The following ANKRD26 variants were observed in gnomAD, a reference collection of about 807,000 sequenced individuals.
ANKRD26 encodes the protein ankyrin repeat domain-containing protein 26.
In ANKRD26, 141 loss-of-function variants were observed where a neutral mutation model predicts 208.7. The observed-to-expected ratio is 0.68, with a 90% CI of 0.59 to 0.78. ANKRD26 has a LOEUF of 0.78. ANKRD26 is among the 30% of genes least tolerant of loss of function. ANKRD26 has a pLI of 0.00. For missense variants in ANKRD26, 1,889 were observed against 1,938.7 expected, an observed-to-expected ratio of 0.97 and a Z score of 0.48; for synonymous variants, 636 against 660.4, an observed-to-expected ratio of 0.96 and a Z score of 0.57.
intron 1 of ANKRD26, among the ~76,000 whole-genome samples, chr10:27,097,082 T>TCA (rs1277918495): frequency 4.6e-5 from 7 of 152,026 alleles, no homozygotes; most frequent in African/African-American, 1.7e-4. Context: ...CTAGGGAGGC[T>TCA]GAGGCAGGAG....
the ANKRD26 span, among the ~76,000 whole-genome samples, chr10:26,948,419 A>T: frequency 6.6e-6 from 1 of 152,212 alleles, no homozygotes; most frequent in Non-Finnish European, 1.5e-5. Context: ...AAGATCTCAG[A>T]CTTCATTCGG....
rs2056023399 is a variant in ANKRD26 at position 27,084,043 on chromosome 10, T to C, written c.710-1210A>G. ...GCCTGAGCAACATGGAGAAACCCCG[T>C]CTCTACTAAAAGTACAAAAAGTAGC... On this transcript the variant is annotated intron_variant, in intron 5 of 33. Coordinates refer to ENST00000376087, the MANE Select transcript of ANKRD26 (RefSeq NM_014915.3). Among the ~76,000 whole-genome samples, 3 of 151,778 alleles carry C rather than the reference T, an allele frequency of 2.0e-5. No homozygotes were observed. In the South Asian group the frequency reaches 6.2e-4, roughly 32 times the overall value.
chr10:27,078,910 TAAAA>T (rs71281564), intron 7 of ANKRD26, among the ~76,000 whole-genome samples, 175 bp downstream of exon 7: 1 of 74,588 alleles, frequency 1.3e-5, no homozygotes, highest in Non-Finnish European at 2.9e-5. Context: ...TTTACCAAAG[TAAAA>T]AAAAAAAAAA....
In ANKRD26 at chr10:27,061,215, C is replaced by G. The variant is rs2055043133; in HGVS notation, c.1391G>C (p.Ser464Thr). 1 of 1,608,944 alleles carries G rather than the reference C, an allele frequency of 6.2e-7. No homozygotes were observed. Residue 464 changes from serine (S) to threonine (T), a missense_variant, in exon 13 of 34, where the codon AGT (serine) becomes ACT (threonine). Physicochemically the swap from Ser to Thr is moderately conservative, Grantham distance 58. Transcript: ENST00000376087. The stretch of plus-strand genomic sequence containing the variant: ...AGCCATCTTAAAGTTTCTTGATCCA[C>G]TCATGCAAGAAGGTATATAAAACAC... ...EDVFYIPSCM[S>T]GSRNFKMAKL...
chr10:26,969,969 G>A (rs2052120346), downstream of ANKRD26, among the ~76,000 whole-genome samples: 1 of 151,658 alleles, frequency 6.6e-6, no homozygotes, highest in Non-Finnish European at 1.5e-5. Flanking sequence ...TGAGTAGCTG[G>A]GATTACAGGT....
chr10:27,061,128 C>T lies in ANKRD26; in HGVS notation c.1462+16G>A. On this transcript the variant is annotated intron_variant, in intron 13 of 33. Coordinates refer to ENST00000376087, the MANE Select transcript of ANKRD26 (RefSeq NM_014915.3). ...TAGAATAACAGTTAACAAAAATACG[C>T]ATTTTTTTTCCATACCCATGTGGGC... 2 of 1,542,810 alleles carry T rather than the reference C, an allele frequency of 1.3e-6. No individual in the cohort carries two copies.
At chr10:26,948,129 C>T in the ANKRD26 span, among the ~76,000 whole-genome samples, 6 of 152,196 alleles carry the variant, frequency 3.9e-5, no homozygotes, top group African/African-American at 1.4e-4. Context: ...TTAATACAGA[C>T]AAGGTTTCAC....
chr10:27,078,968 T>TG, intron 7 of ANKRD26, 121 bp downstream of exon 7: 3 of 730,832 alleles, frequency 4.1e-6, no homozygotes. Context: ...TGGCTTCCCC[T>TG]GACCACCTTT....
chr10:26,951,531 T>C, the ANKRD26 span, among the ~76,000 whole-genome samples: 2 of 152,374 alleles, frequency 1.3e-5, no homozygotes, highest in South Asian at 4.1e-4. Flanking sequence ...TACTACATTT[T>C]ATAAATGAGC....
chr10:27,001,219 A>G (rs2052717370), downstream of ANKRD26, among the ~76,000 whole-genome samples: 1 of 152,160 alleles, frequency 6.6e-6, no homozygotes, highest in Non-Finnish European at 1.5e-5. Context: ...TGGAAACAAA[A>G]TTAGAGTTGT....
chr10:27,091,914 G>A (rs977860848), intron 4 of ANKRD26, among the ~76,000 whole-genome samples: 1 of 152,024 alleles, frequency 6.6e-6, no homozygotes, highest in Non-Finnish European at 1.5e-5. Context: ...TTGAACCCAG[G>A]AGGTGGAGGT....
At chr10:27,065,739 A>C (rs1002993391) in intron 11 of ANKRD26, among the ~76,000 whole-genome samples, 17 of 150,036 alleles carry the variant, frequency 1.1e-4, no homozygotes, top group African/African-American at 4.1e-4. Flanking sequence ...AAACAAAAAA[A>C]AAAAACAAAA....
Position 27,056,285 on chromosome 10 carries a change from C to T in ANKRD26, c.1565-2895G>A, listed in dbSNP as rs144888617. On this transcript the variant is annotated intron_variant, in intron 15 of 33. Coordinates refer to ENST00000376087, the MANE Select transcript of ANKRD26 (RefSeq NM_014915.3). ...CTTCGCCTCCTAGGTTCAAGTGATT[C>T]TCCTGCCTCAGCCTCCTGAGCAGCT... Among the ~76,000 whole-genome samples, 474 of 152,164 alleles carry T rather than the reference C, an allele frequency of 3.1e-3. 1 individual carries two copies. Among genetic ancestry groups the T allele is most frequent in the African/African-American group, 0.011 (461 of 41,534 alleles).
In ANKRD26 at chr10:27,086,768, G is replaced by GTTTT. The variant is rs36035101; in HGVS notation, c.639-163_639-160dup. On this transcript the variant is annotated intron_variant, in intron 4 of 33. Transcript: ENST00000376087. ...ATATGTAAGCTCTACAAACTTTTTT[G>GTTTT]TTTTTTTTTTTTTTTTTTTTTGAGA... Among the ~76,000 whole-genome samples the GTTTT allele has an allele frequency of 3.2e-3, 308 of 96,972 alleles. 10 individuals carry two copies. The highest frequency in any genetic ancestry group is 7.7e-3 in the East Asian group (25 of 3,236). 63.6% of individuals were successfully genotyped at this position (96,972 alleles called of 152,430 possible). A position where few individuals can be genotyped will look rare whatever the true frequency, so the allele number is the denominator to read the frequency against.
intron 18 of ANKRD26, among the ~76,000 whole-genome samples, chr10:27,045,567 G>A (rs2054412457): frequency 1.3e-5 from 2 of 151,860 alleles, no homozygotes; most frequent in South Asian, 4.2e-4. Context: ...ATTTTCTACT[G>A]TACATAAACA....
chr10:27,082,668 C>A, intron 6 of ANKRD26, 135 bp downstream of exon 6: 2 of 1,304,116 alleles, frequency 1.5e-6, no homozygotes, highest in South Asian at 1.5e-5. Flanking sequence ...TAATATAGCA[C>A]AGATACTTTG....
chr10:27,071,375 C>T (rs1317026655), intron 9 of ANKRD26, among the ~76,000 whole-genome samples: 1 of 150,994 alleles, frequency 6.6e-6, no homozygotes, highest in African/African-American at 2.4e-5. Flanking sequence ...GGGGTTTCAC[C>T]GTGTTGGCCA....
intron 9 of ANKRD26, among the ~76,000 whole-genome samples, chr10:27,071,819 T>TC (rs1312635577): frequency 5.9e-5 from 9 of 151,436 alleles, no homozygotes; most frequent in African/African-American, 1.2e-4. Context: ...AAGCCCTAAC[T>TC]CCCCCCGCGC....
chr10:26,957,361 C>G, the ANKRD26 span, among the ~76,000 whole-genome samples: 1 of 152,118 alleles, frequency 6.6e-6, no homozygotes, highest in African/African-American at 2.4e-5. Context: ...ACACTACAGC[C>G]TGGGTGACAG....
Sources: gnomAD v4.1 joint callset for allele counts (sites outside exome capture counted in the v4.1 genomes callset) on GRCh38, gnomAD v4.1.1 for gene constraint, MANE v1.5 for transcripts, NCBI Gene and HGNC (gene_info 2026-07-23, HGNC 2026-07-21) for gene names.